ASIC2: variants seen among roughly 807,000 people sequenced by gnomAD.
ASIC2 encodes the protein acid-sensing ion channel 2.
Under a neutral mutation model 57.3 loss-of-function variants are expected in ASIC2, and 25 were observed. The ratio of observed to expected loss-of-function variants is 0.44; its 90% CI spans 0.32 to 0.61. The LOEUF (loss-of-function observed/expected upper bound fraction) is 0.61, where lower values mean the gene tolerates loss of function less well. ASIC2 is among the 20% of genes least tolerant of loss of function. The pLI, the probability that ASIC2 is intolerant of heterozygous loss-of-function variation, is 0.06. For synonymous variants in ASIC2, 319 were observed against 307.5 expected (o/e 1.04, Z -0.39); for missense variants, 641 against 738.1 (o/e 0.87, Z 1.52).
rs867136529 is a variant in ASIC2 at position 33,249,062 on chromosome 17, A to T, written c.708+42346T>A. ...GGATGGGAACAGTGCAGGCTGTGAGACATGGCTGGTTTCTCAACATATTTG... is the reference window on the plus strand; with the variant it reads ...GGATGGGAACAGTGCAGGCTGTGAGTCATGGCTGGTTTCTCAACATATTTG... On this transcript the variant is annotated intron_variant, in intron 1 of 9. Coordinates refer to ENST00000225823, the MANE Select transcript of ASIC2 (RefSeq NM_183377.2). 4.6e-5 allele frequency among the ~76,000 whole-genome samples: 7 copies of T among 152,132 alleles called. No homozygotes were observed. In the South Asian group the frequency reaches 8.3e-4, roughly 18 times the overall value.
At chr17:33,806,419 T>C (rs760037182) in intron 1 of ASIC2, among the ~76,000 whole-genome samples, 2 of 152,228 alleles carry the variant, frequency 1.3e-5, no homozygotes, top group Non-Finnish European at 2.9e-5. Context: ...TAACAAGCCA[T>C]GCAAAGATAA....
intron 1 of ASIC2, among the ~76,000 whole-genome samples, chr17:34,034,032 A>G: frequency 6.6e-6 from 1 of 152,250 alleles, no homozygotes; most frequent in East Asian, 1.9e-4. Context: ...TCATCCTGAT[A>G]CCAAAGCCTG....
chr17:33,430,090 C>T (rs1490821986), intron 1 of ASIC2, among the ~76,000 whole-genome samples: 2 of 152,302 alleles, frequency 1.3e-5, no homozygotes, highest in African/African-American at 2.4e-5. Context: ...AGAACCAGGG[C>T]TTTGATTTTC....
intron 1 of ASIC2, among the ~76,000 whole-genome samples, chr17:33,410,903 A>G (rs1030638124): frequency 6.6e-6 from 1 of 152,142 alleles, no homozygotes; most frequent in Non-Finnish European, 1.5e-5. Context: ...AGTGGATGCC[A>G]GTAGACGCTT....
At chr17:33,540,538 A>C (rs1201801042) in intron 1 of ASIC2, among the ~76,000 whole-genome samples, 4 of 152,190 alleles carry the variant, frequency 2.6e-5, no homozygotes, top group African/African-American at 4.8e-5. Flanking sequence ...GGGAGGGTTC[A>C]TCAGCCATGA....
intron 1 of ASIC2, among the ~76,000 whole-genome samples, chr17:33,491,341 T>G (rs1283111971): frequency 6.6e-6 from 1 of 152,132 alleles, no homozygotes; most frequent in Non-Finnish European, 1.5e-5. Flanking sequence ...GGGCTACTTG[T>G]CAAGAGGATT....
At chr17:33,098,223 AATAG>A (rs949892737) in intron 2 of ASIC2, among the ~76,000 whole-genome samples, 41 of 152,228 alleles carry the variant, frequency 2.7e-4, no homozygotes, top group African/African-American at 9.4e-4. Flanking sequence ...GATGAAAAAA[AATAG>A]ATGTGGCTGT....
rs565605754 is a variant in ASIC2 at position 34,088,706 on chromosome 17, G to A, written c.555+67272C>T. On this transcript the variant is annotated intron_variant, in intron 1 of 9. Coordinates refer to the ASIC2 transcript ENST00000359872. The stretch of plus-strand genomic sequence containing the variant: ...GGGCTCCACCCAGTTCAAGCTTCCC[G>A]GCTGCTTTGTTTACCTAAGCAAGCC... 3.0e-3 allele frequency among the ~76,000 whole-genome samples: 450 copies of A among 152,322 alleles called. 1 individual carries two copies. In the Middle Eastern group the frequency reaches 0.031, roughly 10 times the overall value.
chr17:33,078,052 C>G (rs544388160), intron 3 of ASIC2, among the ~76,000 whole-genome samples: 9 of 152,134 alleles, frequency 5.9e-5, no homozygotes, highest in African/African-American at 2.2e-4. Context: ...GCCCATGAAT[C>G]AAAAGATAAC....
chr17:33,822,554 G>A (rs983243125), intron 1 of ASIC2, among the ~76,000 whole-genome samples: 2 of 152,170 alleles, frequency 1.3e-5, no homozygotes, highest in Non-Finnish European at 1.5e-5. Context: ...GATGGCAGTG[G>A]AACCCCAGCT....
intron 1 of ASIC2, among the ~76,000 whole-genome samples, chr17:33,166,660 T>G (rs992341877): frequency 2.0e-5 from 3 of 152,150 alleles, no homozygotes; most frequent in African/African-American, 7.2e-5. Flanking sequence ...GCCTCATCCT[T>G]GCAGTGACTG....
intron 1 of ASIC2, among the ~76,000 whole-genome samples, chr17:33,176,724 G>A (rs1052289756): frequency 6.6e-6 from 1 of 152,208 alleles, no homozygotes; most frequent in South Asian, 2.1e-4. Flanking sequence ...TGCAGAGGAA[G>A]AATTATCCCT....
intron 1 of ASIC2, among the ~76,000 whole-genome samples, chr17:33,617,544 G>A (rs1052981445): frequency 6.6e-6 from 1 of 152,078 alleles, no homozygotes; most frequent in Non-Finnish European, 1.5e-5. Context: ...CTACCTATTG[G>A]GTATTATGCT....
intron 1 of ASIC2, among the ~76,000 whole-genome samples, chr17:33,732,942 A>G (rs970443863): frequency 5.3e-5 from 8 of 152,116 alleles, no homozygotes; most frequent in Non-Finnish European, 1.0e-4. Flanking sequence ...CCAGCCCCCT[A>G]ATGTCAATGT....
At chr17:33,230,374 C>T (rs1347943740) in intron 1 of ASIC2, among the ~76,000 whole-genome samples, 1 of 152,252 alleles carries the variant, frequency 6.6e-6, no homozygotes, top group Non-Finnish European at 1.5e-5. Flanking sequence ...AGGTAATGAG[C>T]TATCCAGGAC....
At chr17:33,491,204 T>C (rs1477232117) in intron 1 of ASIC2, among the ~76,000 whole-genome samples, 2 of 152,278 alleles carry the variant, frequency 1.3e-5, no homozygotes, top group Non-Finnish European at 1.5e-5. Flanking sequence ...GCATCCAGAA[T>C]AGATCTTTTA....
At chr17:33,844,824 CTAGA>C (rs1386452356) in intron 1 of ASIC2, among the ~76,000 whole-genome samples, 5 of 152,156 alleles carry the variant, frequency 3.3e-5, no homozygotes, top group African/African-American at 9.7e-5. Context: ...TTACTATGTG[CTAGA>C]TAGTCTCATA....
At chr17:33,180,173 A>G (rs766836182) in intron 1 of ASIC2, among the ~76,000 whole-genome samples, 7 of 152,248 alleles carry the variant, frequency 4.6e-5, no homozygotes, top group Non-Finnish European at 5.9e-5. Context: ...CATTGAAAAC[A>G]GGACTTGGCC....
At chr17:33,810,331 C>G in intron 1 of ASIC2, among the ~76,000 whole-genome samples, 1 of 152,180 alleles carries the variant, frequency 6.6e-6, no homozygotes, top group East Asian at 1.9e-4. Context: ...CCAAACTTTG[C>G]TGCACATTAG....
Sources: allele counts gnomAD v4.1 joint callset (sites outside exome capture counted in the v4.1 genomes callset), GRCh38; gene constraint gnomAD v4.1.1; transcripts MANE v1.5; gene names NCBI Gene and HGNC (gene_info 2026-07-23, HGNC 2026-07-21).